The following SPOCK3 variants were observed in gnomAD, a reference collection of about 807,000 sequenced individuals.
SPOCK3 encodes the protein SPARC (osteonectin), cwcv and kazal like domains proteoglycan 3.
A neutral mutation model predicts 56.6 loss-of-function variants in SPOCK3; 30 were observed. The observed-to-expected ratio is 0.53, with a 90% CI of 0.40 to 0.72. The LOEUF is 0.72. Ranked by LOEUF, SPOCK3 falls within the 30% of genes least tolerant of loss-of-function variation. The pLI, the probability that SPOCK3 is intolerant of heterozygous loss-of-function variation, is 0.00. For missense variants in SPOCK3, 527 were observed against 530.0 expected, an observed-to-expected ratio of 0.99 and a Z score of 0.06; for synonymous variants, 196 against 183.3, an observed-to-expected ratio of 1.07 and a Z score of -0.56.
chr4:167,128,728 G>A (rs116124677), intron 2 of SPOCK3, among the ~76,000 whole-genome samples: 2,218 of 152,258 alleles, frequency 0.015, 58 homozygotes, highest in African/African-American at 0.05. Flanking sequence ...CATTCAAAGG[G>A]TTGGAAACTA....
intron 3 of SPOCK3, among the ~76,000 whole-genome samples, chr4:167,028,067 G>A (rs1262550702): frequency 6.6e-6 from 1 of 151,740 alleles, no homozygotes; most frequent in African/African-American, 2.4e-5. Flanking sequence ...ATCTTCTGTT[G>A]GACTGGTAAT....
intron 6 of SPOCK3, among the ~76,000 whole-genome samples, chr4:166,800,935 T>C (rs562107545): frequency 1.4e-4 from 22 of 152,262 alleles, no homozygotes; most frequent in African/African-American, 5.1e-4. Context: ...CCTATATACA[T>C]GTATCATTTT....
At chr4:167,074,374 A>G (rs1285643390) in intron 2 of SPOCK3, among the ~76,000 whole-genome samples, 6 of 151,958 alleles carry the variant, frequency 3.9e-5, no homozygotes, top group East Asian at 1.9e-4. Context: ...GGTGTCAACC[A>G]AGGCTGCCTA....
chr4:167,163,209 C>T (rs1295002945), intron 2 of SPOCK3, among the ~76,000 whole-genome samples: 56 of 145,172 alleles, frequency 3.9e-4, no homozygotes, highest in Non-Finnish European at 5.1e-4. Flanking sequence ...TTAGGTAATC[C>T]TCATCATGTT....
intron 3 of SPOCK3, among the ~76,000 whole-genome samples, chr4:167,009,238 C>T (rs1051055926): frequency 2.0e-5 from 3 of 151,974 alleles, no homozygotes; most frequent in East Asian, 3.9e-4. Context: ...AGTATGTATC[C>T]GAGGGCATTA....
At chr4:166,940,787 G>T in intron 4 of SPOCK3, among the ~76,000 whole-genome samples, 1 of 143,566 alleles carries the variant, frequency 7.0e-6, no homozygotes, top group Non-Finnish European at 1.5e-5. Context: ...GGAGTTATTA[G>T]CAAGTAAGCA....
At chr4:166,929,588 A>G (rs1561021080) in intron 4 of SPOCK3, among the ~76,000 whole-genome samples, 1 of 152,190 alleles carries the variant, frequency 6.6e-6, no homozygotes, top group East Asian at 1.9e-4. Flanking sequence ...AATTGTTTTC[A>G]TCAGAAATCT....
intron 10 of SPOCK3, among the ~76,000 whole-genome samples, chr4:166,737,254 C>T (rs1734303400): frequency 6.6e-6 from 1 of 152,128 alleles, no homozygotes; most frequent in Non-Finnish European, 1.5e-5. Context: ...ATTAATCTCT[C>T]TAGAAAATCT....
intron 5 of SPOCK3, among the ~76,000 whole-genome samples, chr4:166,905,592 A>G (rs1179628638): frequency 1.3e-5 from 2 of 152,000 alleles, no homozygotes; most frequent in Non-Finnish European, 2.9e-5. Context: ...TTTCTTATAA[A>G]TTGGGACTAA....
At chr4:167,036,717 T>C (rs1752788088) in intron 3 of SPOCK3, among the ~76,000 whole-genome samples, 1 of 152,198 alleles carries the variant, frequency 6.6e-6, no homozygotes, top group African/African-American at 2.4e-5. Flanking sequence ...CTAAGCAAAG[T>C]TATAGCATCA....
rs201311869 is a variant in SPOCK3 at position 167,207,874 on chromosome 4, TA to T, written c.189+26110del. 4.0e-3 allele frequency among the ~76,000 whole-genome samples: 587 copies of T among 145,210 alleles called. 12 individuals are homozygous for T. The East Asian group carries it at 0.051, about 13-fold the overall frequency. ...CACCCTAAAACTTAAAGTATAATAATAAAAAAAAAAAATTCAGTTTCAGATT... is the reference window on the plus strand; with the variant it reads ...CACCCTAAAACTTAAAGTATAATAATAAAAAAAAAAATTCAGTTTCAGATT... On this transcript the variant is annotated intron_variant, in intron 2 of 10. Coordinates refer to ENST00000357545, the MANE Select transcript of SPOCK3 (RefSeq NM_001040159.2).
intron 4 of SPOCK3, among the ~76,000 whole-genome samples, chr4:166,971,781 C>T (rs1168234509): frequency 1.3e-5 from 2 of 152,058 alleles, no homozygotes; most frequent in Non-Finnish European, 1.5e-5. Context: ...TTAGCTTCGG[C>T]TTACAACTAA....
intron 8 of SPOCK3, 124 bp downstream of exon 8, chr4:166,754,384 C>G: frequency 7.1e-7 from 1 of 1,401,776 alleles, no homozygotes; most frequent in South Asian, 1.7e-5. Flanking sequence ...TTTTATTCAA[C>G]ACTTGAATTA....
chr4:167,122,420 T>G (rs1412116014), intron 2 of SPOCK3, among the ~76,000 whole-genome samples: 1 of 152,196 alleles, frequency 6.6e-6, no homozygotes, highest in Non-Finnish European at 1.5e-5. Context: ...ATTAATAATT[T>G]TCAATTGTAC....
intron 4 of SPOCK3, among the ~76,000 whole-genome samples, chr4:166,962,218 T>C (rs1744220061): frequency 1.3e-5 from 2 of 152,246 alleles, no homozygotes; most frequent in Middle Eastern, 3.4e-3. Flanking sequence ...CTCTTTGACA[T>C]GTAAGATATT....
At chr4:167,172,735 T>C (rs1730617688) in intron 2 of SPOCK3, among the ~76,000 whole-genome samples, 1 of 152,156 alleles carries the variant, frequency 6.6e-6, no homozygotes, top group South Asian at 2.1e-4. Flanking sequence ...TGCATATGTA[T>C]GTATACATCT....
chr4:167,004,756 G>C (rs1048779967), intron 3 of SPOCK3, among the ~76,000 whole-genome samples: 1 of 152,118 alleles, frequency 6.6e-6, no homozygotes, highest in Non-Finnish European at 1.5e-5. Context: ...CGAAATAAAA[G>C]AAATGGTGTT....
At chr4:166,945,139 C>G (rs1008975129) in intron 4 of SPOCK3, among the ~76,000 whole-genome samples, 1 of 152,088 alleles carries the variant, frequency 6.6e-6, no homozygotes, top group African/African-American at 2.4e-5. Context: ...TAGATTCAAC[C>G]ATTACTGCAA....
intron 2 of SPOCK3, among the ~76,000 whole-genome samples, chr4:167,162,184 CA>C (rs1033080822): frequency 3.3e-5 from 5 of 152,010 alleles, no homozygotes; most frequent in East Asian, 3.9e-4. Context: ...AAACCTAGCA[CA>C]AAAAAATACA....
Sources: gnomAD v4.1 joint callset for allele counts (sites outside exome capture counted in the v4.1 genomes callset) on GRCh38, gnomAD v4.1.1 for gene constraint, MANE v1.5 for transcripts, NCBI Gene and HGNC (gene_info 2026-07-23, HGNC 2026-07-21) for gene names.